Variants in KCNQ3 observed in about 807,000 individuals in gnomAD.
KCNQ3 encodes the protein potassium voltage-gated channel subfamily KQT member 3.
A neutral mutation model predicts 92.5 loss-of-function variants in KCNQ3; 30 were observed. That is an observed-to-expected ratio of 0.32 (90% CI 0.24 to 0.44). The LOEUF (loss-of-function observed/expected upper bound fraction) is 0.44. Ranked by LOEUF, KCNQ3 falls within the 20% of genes least tolerant of loss-of-function variation. KCNQ3 has a pLI of 1.00. For synonymous variants in KCNQ3, 450 were observed against 468.8 expected (o/e 0.96, Z 0.52); for missense variants, 913 against 1,140.3 (o/e 0.80, Z 2.87).
At chr8:132,452,231 G>A (rs10216765) in intron 1 of KCNQ3, among the ~76,000 whole-genome samples, 38,326 of 151,850 alleles carry the variant, frequency 0.25, 4,880 homozygotes, top group South Asian at 0.33. Context: ...TGTTTCCATC[G>A]AGCAATAGCT....
chr8:132,295,255 C>G (rs983548598), intron 1 of KCNQ3, among the ~76,000 whole-genome samples: 7 of 152,192 alleles, frequency 4.6e-5, no homozygotes, highest in African/African-American at 1.7e-4. Context: ...CAAAAGAAGA[C>G]ATTTATGTGG....
At chr8:132,244,230 A>C (rs988937441) in intron 1 of KCNQ3, among the ~76,000 whole-genome samples, 3 of 152,240 alleles carry the variant, frequency 2.0e-5, no homozygotes, top group African/African-American at 7.2e-5. Context: ...ATAGTTTGAC[A>C]TAAAATATTT....
chr8:132,164,954 G>A (rs1040151137), intron 8 of KCNQ3, among the ~76,000 whole-genome samples: 1 of 152,074 alleles, frequency 6.6e-6, no homozygotes, highest in Admixed American at 6.5e-5. Flanking sequence ...TTGTGCCAAT[G>A]GATGAAGGGC....
intron 1 of KCNQ3, among the ~76,000 whole-genome samples, chr8:132,380,143 C>T (rs1168392788): frequency 6.6e-6 from 1 of 152,030 alleles, no homozygotes; most frequent in Non-Finnish European, 1.5e-5. Flanking sequence ...TGTTCAAGAA[C>T]TTCTTAAGAG....
intron 1 of KCNQ3, among the ~76,000 whole-genome samples, chr8:132,366,355 T>C (rs896110926): frequency 6.6e-6 from 1 of 152,194 alleles, no homozygotes; most frequent in African/African-American, 2.4e-5. Context: ...TTACTTGATT[T>C]AAGTTTTCCA....
chr8:132,418,062 G>A (rs1205673760), intron 1 of KCNQ3, among the ~76,000 whole-genome samples: 4 of 152,116 alleles, frequency 2.6e-5, no homozygotes, highest in Non-Finnish European at 5.9e-5. Flanking sequence ...TGAGATCACC[G>A]GGATTGGATC....
intron 1 of KCNQ3, among the ~76,000 whole-genome samples, chr8:132,197,106 T>C (rs988789212): frequency 2.0e-5 from 3 of 151,956 alleles, no homozygotes; most frequent in Admixed American, 1.3e-4. Context: ...CCTAGCAAGA[T>C]GATATCTCAG....
chr8:132,335,091 A>G (rs965474640), intron 1 of KCNQ3, among the ~76,000 whole-genome samples: 3 of 150,100 alleles, frequency 2.0e-5, no homozygotes, highest in African/African-American at 7.4e-5. Context: ...GCCAGGCTGG[A>G]GTGCAGTGGT....
rs1360973914 is a variant in KCNQ3, at chr8:132,130,076, T to G, written c.1885-80A>C. ...GCTATTGGTTGGGAGGAAATATTCTTTTTTTTTGTTTTTTTTTTTTTTTTG... is the reference window on the plus strand; with the variant it reads ...GCTATTGGTTGGGAGGAAATATTCTGTTTTTTTGTTTTTTTTTTTTTTTTG... On this transcript the variant is annotated intron_variant, in intron 14 of 14. Coordinates refer to ENST00000388996, the MANE Select transcript of KCNQ3 (RefSeq NM_004519.4). The G allele has an allele frequency of 3.9e-5, 52 of 1,347,408 alleles. 2 individuals are homozygous for G. The highest frequency in any genetic ancestry group is 5.0e-5 in the Non-Finnish European group (50 of 1,000,076). 83.5% of individuals were successfully genotyped at this position (1,347,408 alleles called of 1,614,324 possible). A position where few individuals can be genotyped will look rare whatever the true frequency, so the allele number is the denominator to read the frequency against.
At chr8:132,186,287 G>T in intron 1 of KCNQ3, 106 bp from the exon 2 acceptor site, 1 of 769,864 alleles carries the variant, frequency 1.3e-6, no homozygotes. Context: ...ACTTCTGCTG[G>T]ACATTGACAT....
At chr8:132,348,326 G>A (rs755677123) in intron 1 of KCNQ3, among the ~76,000 whole-genome samples, 67 of 152,148 alleles carry the variant, frequency 4.4e-4, no homozygotes, top group African/African-American at 1.5e-3. Flanking sequence ...TGCAACAGAC[G>A]GTTTGCTGGA....
At chr8:132,338,941 T>C (rs1271601157) in intron 1 of KCNQ3, among the ~76,000 whole-genome samples, 1 of 152,202 alleles carries the variant, frequency 6.6e-6, no homozygotes, top group Non-Finnish European at 1.5e-5. Flanking sequence ...TAGCTTGGTC[T>C]TGTGAAACCT....
At chr8:132,195,349 G>C (rs1827272485) in intron 1 of KCNQ3, among the ~76,000 whole-genome samples, 1 of 152,186 alleles carries the variant, frequency 6.6e-6, no homozygotes, top group Non-Finnish European at 1.5e-5. Context: ...AAGAGCACGG[G>C]AGGCAAATAA....
rs761233083 is a variant in KCNQ3 at position 132,446,520 on chromosome 8, G to C, written c.386+33627C>G. Among the ~76,000 whole-genome samples, 99 of 152,142 alleles carry C rather than the reference G, an allele frequency of 6.5e-4. 2 individuals carry two copies. Among genetic ancestry groups the C allele is most frequent in the Admixed American group, 5.9e-4 (9 of 15,270 alleles). On this transcript the variant is annotated intron_variant, in intron 1 of 14. Transcript: ENST00000388996. The stretch of plus-strand genomic sequence containing the variant: ...TCCTTTAAGCTGAAAAGCAGAGCTA[G>C]ACTGGGAAGACCTCTTCCAGGTCCA...
At chr8:132,292,899 A>G (rs1452810370) in intron 1 of KCNQ3, among the ~76,000 whole-genome samples, 1 of 152,210 alleles carries the variant, frequency 6.6e-6, no homozygotes, top group Non-Finnish European at 1.5e-5. Flanking sequence ...AAGGAATGCT[A>G]AACAGAGAGG....
intron 1 of KCNQ3, among the ~76,000 whole-genome samples, chr8:132,438,569 G>T (rs1321464253): frequency 6.6e-6 from 1 of 152,134 alleles, no homozygotes. Context: ...CAACGTGTGG[G>T]TGCGGCTGCT....
At chr8:132,276,067 C>T (rs984317494) in intron 1 of KCNQ3, among the ~76,000 whole-genome samples, 2 of 152,190 alleles carry the variant, frequency 1.3e-5, no homozygotes, top group Admixed American at 6.5e-5. Context: ...CTGATTTGCA[C>T]AATAGTCTCA....
intron 1 of KCNQ3, among the ~76,000 whole-genome samples, chr8:132,214,034 C>T (rs979437117): frequency 2.0e-5 from 3 of 152,150 alleles, no homozygotes; most frequent in African/African-American, 7.2e-5. Context: ...CTATGTTCAT[C>T]TTCACTATAA....
rs3049635 is a variant in KCNQ3, at chr8:132,333,017, T to TTGGATGGA, written c.387-146844_387-146837dup. Reference sequence around the variant, plus strand: ...CAGAGTGAGAGGATGGATGAATGGATTGGATGGATGGATGGATGGATGGAT... The same window carrying TTGGATGGA: ...CAGAGTGAGAGGATGGATGAATGGATTGGATGGATGGATGGATGGATGGATGGATGGAT... On this transcript the variant is annotated intron_variant, in intron 1 of 14. Coordinates refer to ENST00000388996, the MANE Select transcript of KCNQ3 (RefSeq NM_004519.4). Among the ~76,000 whole-genome samples the TTGGATGGA allele has an allele frequency of 7.5e-3, 1,119 of 149,930 alleles. 12 individuals are homozygous for TTGGATGGA. Among genetic ancestry groups the TTGGATGGA allele is most frequent in the African/African-American group, 0.023 (918 of 40,522 alleles).
Sources: gnomAD v4.1 joint callset for allele counts (sites outside exome capture counted in the v4.1 genomes callset) on GRCh38, gnomAD v4.1.1 for gene constraint, MANE v1.5 for transcripts, NCBI Gene and HGNC (gene_info 2026-07-23, HGNC 2026-07-21) for gene names.